FREM2: variants seen among roughly 807,000 people sequenced by gnomAD.
The protein encoded by FREM2 is FRAS1-related extracellular matrix protein 2.
A neutral mutation model predicts 219.9 loss-of-function variants in FREM2; 119 were observed. The observed-to-expected ratio is 0.54, with a 90% confidence interval of 0.47 to 0.63. The LOEUF is 0.63. Among genes scored for constraint, FREM2 ranks in the 30% least tolerant of loss-of-function variants. The pLI, the probability that FREM2 is intolerant of heterozygous loss-of-function variation, is 0.00. For synonymous variants in FREM2, 1,562 were observed against 1,522.8 expected (o/e 1.03, Z -0.60); for missense variants, 4,030 against 3,993.6 (o/e 1.01, Z -0.25).
intron 2 of FREM2, among the ~76,000 whole-genome samples, chr13:38,743,179 T>G (rs962517248): frequency 4.2e-4 from 64 of 152,238 alleles, no homozygotes; most frequent in African/African-American, 1.5e-3. Flanking sequence ...GATATACAAC[T>G]CAGGGATGCT....
intron 2 of FREM2, among the ~76,000 whole-genome samples, chr13:38,705,503 C>T (rs1321281163): frequency 6.6e-6 from 1 of 152,178 alleles, no homozygotes; most frequent in African/African-American, 2.4e-5. Context: ...CAGTTAGAAG[C>T]GCAGCTTTAG....
chr13:38,883,715 A>G lies in FREM2; in HGVS notation c.*2928A>G, dbSNP rs2137946787. ...TAACTGAATGCAGCTCTTTATTTGG[A>G]CTAAAGTGTCAGGATATGCATTAGA... On this transcript the variant is annotated 3_prime_UTR_variant, in exon 24 of 24. Coordinates refer to ENST00000280481, the MANE Select transcript of FREM2 (RefSeq NM_207361.6). The G allele has an allele frequency of 6.6e-6, 1 of 152,270 alleles. No homozygotes were observed. The highest frequency in any genetic ancestry group is 2.1e-4 in the South Asian group (1 of 4,818). 9.4% of individuals were successfully genotyped at this position (152,270 alleles called of 1,614,324 possible). A position where few individuals can be genotyped will look rare whatever the true frequency, so the allele number is the denominator to read the frequency against.
intron 6 of FREM2, among the ~76,000 whole-genome samples, chr13:38,794,038 T>G (rs1056495058): frequency 6.6e-6 from 1 of 152,166 alleles, no homozygotes; most frequent in Non-Finnish European, 1.5e-5. Context: ...ACTGAAGATA[T>G]AGGCCTGATT....
chr13:38,856,078 CTCATAT>C, intron 11 of FREM2, 42 bp from the exon 12 acceptor site: 1 of 1,081,190 alleles, frequency 9.2e-7, no homozygotes. Context: ...TAGAAAACTT[CTCATAT>C]TCATATGCAA....
Position 38,691,299 on chromosome 13 carries a change from A to G in FREM2, c.3955A>G (p.Thr1319Ala), listed in dbSNP as rs917744507. The G allele has an allele frequency of 6.2e-7, 1 of 1,614,070 alleles. No homozygotes were observed. The highest frequency in any genetic ancestry group is 1.3e-5 in the African/African-American group (1 of 75,048). ...NNGLEIEIGD[T>A]KIINNKILMA... The stretch of plus-strand genomic sequence containing the variant: ...TGGACTAGAAATAGAAATTGGGGAT[A>G]CCAAGATTATCAACAACAAAATATT... Residue 1319 changes from threonine to alanine, a missense_variant, in exon 1 of 24, where the codon ACC (threonine) becomes GCC (alanine). Thr to Ala is a moderately conservative substitution (Grantham distance 58). Around this residue, in one of 2 missense-constraint regions of FREM2, gnomAD observed 3,102 missense variants for 2,950.7 expected, o/e 1.05. Coordinates refer to ENST00000280481, the MANE Select transcript of FREM2 (RefSeq NM_207361.6).
chr13:38,793,979 T>C (rs1874668807), intron 6 of FREM2, among the ~76,000 whole-genome samples: 1 of 110,664 alleles, frequency 9.0e-6, no homozygotes, highest in Non-Finnish European at 2.4e-5. Flanking sequence ...GGCATGCTAG[T>C]ACGAAAGAAA....
chr13:38,781,411 G>A (rs1194978211), intron 4 of FREM2, among the ~76,000 whole-genome samples: 2 of 151,748 alleles, frequency 1.3e-5, no homozygotes, highest in East Asian at 3.9e-4. Flanking sequence ...AGCTTTCCCT[G>A]TCACCCTCAG....
chr13:38,708,038 C>T lies in FREM2; in HGVS notation c.5263+10251C>T, dbSNP rs1023203263. On this transcript the variant is annotated intron_variant, in intron 2 of 23. Transcript: ENST00000280481. ...CACACATTCTCCATGGCCATTGGTT[C>T]CTTCAGAACCACATTGAAGTTTATC... Among the ~76,000 whole-genome samples the T allele has an allele frequency of 3.3e-5, 5 of 152,164 alleles. No homozygotes were observed. The South Asian group carries it at 1.0e-3, about 31-fold the overall frequency.
chr13:38,778,773 T>C (rs1384873076), intron 4 of FREM2, among the ~76,000 whole-genome samples: 1 of 151,988 alleles, frequency 6.6e-6, no homozygotes, highest in Non-Finnish European at 1.5e-5. Context: ...AGCAAACCTG[T>C]ACTTGTACCC....
Position 38,880,546 on chromosome 13 carries a change from G to T in FREM2, c.9269G>T (p.Gly3090Val), listed in dbSNP as rs778928541. 40 of 1,614,054 alleles carry T rather than the reference G, an allele frequency of 2.5e-5. 1 individual carries two copies. In the South Asian group the frequency reaches 4.1e-4, roughly 16 times the overall value. ...LDRTKRQIPH[G>V]RAPPDGILPW... Reference sequence around the variant, plus strand: ...CGCACCAAGAGGCAGATCCCCCATGGGAGAGCACCTCCAGATGGCATCCTC... The same window carrying T: ...CGCACCAAGAGGCAGATCCCCCATGTGAGAGCACCTCCAGATGGCATCCTC... The change falls in exon 24 of 24, where the codon GGG (glycine) becomes GTG (valine). Residue 3090 changes from glycine to valine, a missense_variant. Around this residue, in one of 2 missense-constraint regions of FREM2, gnomAD observed 928 missense variants for 1,042.9 expected, o/e 0.89. Transcript: ENST00000280481.
chr13:38,807,227 A>ATATATATATATATG (rs1555268816), intron 6 of FREM2, among the ~76,000 whole-genome samples: 2 of 125,684 alleles, frequency 1.6e-5, no homozygotes, highest in African/African-American at 5.7e-5. Context: ...ATATATATAT[A>ATATATATATATATG]TGTATGGTTT....
At chr13:38,712,067 C>A (rs1477174395) in intron 2 of FREM2, among the ~76,000 whole-genome samples, 1 of 151,644 alleles carries the variant, frequency 6.6e-6, no homozygotes, top group Non-Finnish European at 1.5e-5. Flanking sequence ...ACTACAGGCG[C>A]CTTCCCCCAC....
rs11842352 is a variant in FREM2, at chr13:38,697,941, C to G, written c.5263+154C>G. 0.034 allele frequency among the ~76,000 whole-genome samples: 5,199 copies of G among 152,320 alleles called. 325 individuals are homozygous for G. The highest frequency in any genetic ancestry group is 0.12 in the African/African-American group (4,949 of 41,566). ...TGCTGTAGACAATTTTACAATCTCA[C>G]TATGACACAATCCTACTATGTCATG... On this transcript the variant is annotated intron_variant, in intron 2 of 23. Coordinates refer to ENST00000280481, the MANE Select transcript of FREM2 (RefSeq NM_207361.6).
At chr13:38,743,289 A>G (rs1170978125) in intron 2 of FREM2, among the ~76,000 whole-genome samples, 1 of 151,592 alleles carries the variant, frequency 6.6e-6, no homozygotes, top group Non-Finnish European at 1.5e-5. Flanking sequence ...TTTAAAATAT[A>G]TATAGCTATA....
At chr13:38,772,986 C>T (rs767461954) in intron 4 of FREM2, among the ~76,000 whole-genome samples, 8 of 152,030 alleles carry the variant, frequency 5.3e-5, no homozygotes, top group Admixed American at 3.3e-4. Flanking sequence ...GGTGAGCCAC[C>T]GTGCCCAGCC....
intron 3 of FREM2, among the ~76,000 whole-genome samples, chr13:38,768,440 C>T (rs1197136829): frequency 2.0e-5 from 3 of 152,028 alleles, no homozygotes; most frequent in Non-Finnish European, 4.4e-5. Context: ...CCACACCCAG[C>T]TAATTTTTGT....
rs1268096947 is a variant in FREM2, at chr13:38,848,535, G to A, written c.6244G>A (p.Val2082Ile). Residue 2082 changes from valine (V) to isoleucine (I), a missense_variant, in exon 8 of 24, where the codon GTC becomes ATC. Physicochemically the swap from Val to Ile is conservative, Grantham distance 29. Around this residue, in one of 2 missense-constraint regions of FREM2, gnomAD observed 3,102 missense variants for 2,950.7 expected, o/e 1.05. Coordinates refer to ENST00000280481, the MANE Select transcript of FREM2 (RefSeq NM_207361.6). The stretch of plus-strand genomic sequence containing the variant: ...AGTCAACATGCAGCCTGTTCGTGTT[G>A]TCATTCTGGATGACCTTGGACAACC... ...PGVNMQPVRV[V>I]ILDDLGQPAL... The A allele has an allele frequency of 6.2e-7, 1 of 1,613,930 alleles. No individual in the cohort carries two copies. Among genetic ancestry groups the A allele is most frequent in the Non-Finnish European group, 8.5e-7 (1 of 1,179,966 alleles).
rs752508221 is a variant in FREM2 at position 38,876,087 on chromosome 13, A to G, written c.8347A>G (p.Ile2783Val). 84 of 1,614,132 alleles carry G rather than the reference A, an allele frequency of 5.2e-5. No homozygotes were observed. Among genetic ancestry groups the G allele is most frequent in the South Asian group, 1.1e-5 (1 of 91,080 alleles). ...AGGCCTGACATTTTCCCTCCGCCTC[A>G]TAAGGAGTGAACCAACCTATAACCA... Reference protein sequence around the residue: ...HPGLTFSLRLIRSEPTYNQPV... With the variant: ...HPGLTFSLRLVRSEPTYNQPV... Residue 2783 changes from isoleucine (I) to valine (V), a missense_variant, in exon 19 of 24, where the codon ATA becomes GTA. By Grantham distance (29) the Ile-to-Val change is conservative (BLOSUM62 3). Transcript: ENST00000280481.
At position 38,688,145 on chromosome 13, in the gene FREM2, C is replaced by A. The variant is rs1384802820; in HGVS notation, c.801C>A (p.Arg267=). Residue 267 remains arginine, a synonymous_variant, in exon 1 of 24, where the codon CGC becomes CGA. Coordinates refer to ENST00000280481, the MANE Select transcript of FREM2 (RefSeq NM_207361.6). ...KAFQELGVRY[R]HTAASRSPNR... Reference sequence around the variant, plus strand: ...TCCAGGAACTAGGCGTGCGCTATCGCCACACAGCCGCCAGTCGCTCACCAA... The same window carrying A: ...TCCAGGAACTAGGCGTGCGCTATCGACACACAGCCGCCAGTCGCTCACCAA... 1 of 1,613,422 alleles carries A rather than the reference C, an allele frequency of 6.2e-7. No homozygotes were observed. The highest frequency in any genetic ancestry group is 1.7e-5 in the Admixed American group (1 of 60,034).
Sources: gnomAD v4.1 joint callset for allele counts (sites outside exome capture counted in the v4.1 genomes callset) on GRCh38, gnomAD v4.1.1 for gene constraint, gnomAD v4.1.1 regional missense constraint, MANE v1.5 for transcripts, NCBI Gene and HGNC (gene_info 2026-07-23, HGNC 2026-07-21) for gene names.